PDE2A: variants seen among roughly 807,000 people sequenced by gnomAD.
PDE2A encodes phosphodiesterase 2A, also known as cGMP-dependent 3',5'-cyclic phosphodiesterase.
Under a neutral mutation model 133.6 loss-of-function variants are expected in PDE2A, and 53 were observed. The ratio of observed to expected loss-of-function variants is 0.40; its 90% CI spans 0.32 to 0.50. PDE2A has a LOEUF of 0.50. PDE2A is among the 20% of genes least tolerant of loss of function. PDE2A has a pLI of 0.73. For missense variants in PDE2A, 796 were observed against 1,232.4 expected (o/e 0.65, Z 5.30); for synonymous variants, 491 against 490.2 (o/e 1.00, Z -0.02).
Position 72,577,224 on chromosome 11 carries a change from G to A in PDE2A, c.*160C>T, listed in dbSNP as rs1025303158. 1.7e-6 allele frequency: 1 copy of A among 605,162 alleles called. No individual in the cohort carries two copies. Among genetic ancestry groups the A allele is most frequent in the Non-Finnish European group, 2.9e-6 (1 of 342,164 alleles). 37.5% of individuals were successfully genotyped at this position (605,162 alleles called of 1,614,324 possible). On this transcript the variant is annotated 3_prime_UTR_variant, in exon 31 of 31. Coordinates refer to ENST00000334456, the MANE Select transcript of PDE2A (RefSeq NM_002599.5). Reference sequence around the variant, plus strand: ...TTGGAAGTCTTGCTTCCATTATACAGACGAGAAAGCTGAGGCCCAGGAAGG... The same window carrying A: ...TTGGAAGTCTTGCTTCCATTATACAAACGAGAAAGCTGAGGCCCAGGAAGG...
At position 72,580,586 on chromosome 11, in the gene PDE2A, G is replaced by C. The variant is rs747032244; in HGVS notation, c.2172C>G (p.Ser724=). The change falls in exon 25 of 31, where the codon TCC becomes TCG. Residue 724 remains serine, a synonymous_variant. Transcript: ENST00000334456. ...GACAGAAGAGTGATACCTCCATGAC[G>C]GAGCCCTCAGAGCTGTAGAGCGCAG... ...VLAALYSSEG[S]VMERHHFAQA... is the part of the protein sequence containing the mutation. The C allele has an allele frequency of 6.4e-7, 1 of 1,568,314 alleles. No homozygotes were observed. The highest frequency in any genetic ancestry group is 8.7e-7 in the Non-Finnish European group (1 of 1,155,520).
chr11:72,576,629 C>T lies in PDE2A; in HGVS notation c.*755G>A, dbSNP rs1290412475. 5.9e-6 allele frequency: 1 copy of T among 169,490 alleles called. No individual in the cohort carries two copies. Among genetic ancestry groups the T allele is most frequent in the Non-Finnish European group, 1.5e-5 (1 of 68,354 alleles). 10.5% of individuals were successfully genotyped at this position (169,490 alleles called of 1,614,324 possible). On this transcript the variant is annotated 3_prime_UTR_variant, in exon 31 of 31. Coordinates refer to ENST00000334456, the MANE Select transcript of PDE2A (RefSeq NM_002599.5). ...ATCTTAGAGCATGGATTGTCTTACC[C>T]GCTCCCTGTTTGGCCCAGACAGGGG... is the stretch of plus-strand genomic sequence containing the variant.
At chr11:72,646,385 GGCATTAGCC>G (rs1228535033) in intron 1 of PDE2A, among the ~76,000 whole-genome samples, 2 of 152,200 alleles carry the variant, frequency 1.3e-5, no homozygotes, top group Non-Finnish European at 2.9e-5. Flanking sequence ...CAGGAGGCAC[GGCATTAGCC>G]CCATTTTACA....
intron 2 of PDE2A, among the ~76,000 whole-genome samples, chr11:72,628,915 A>G (rs954555817): frequency 3.3e-5 from 5 of 152,182 alleles, no homozygotes. Flanking sequence ...CCATGTTGGC[A>G]GCGTCCCCTC....
intron 2 of PDE2A, chr11:72,631,097 C>T: frequency 6.5e-7 from 1 of 1,539,756 alleles, no homozygotes; most frequent in Non-Finnish European, 8.8e-7. Context: ...GTCGTCTCTA[C>T]TCCCTGGGGG....
Position 72,578,910 on chromosome 11 carries a change from G to A in PDE2A, c.2456C>T (p.Thr819Met), listed in dbSNP as rs1193120816. The change falls in exon 28 of 31, where the codon ACG (threonine) becomes ATG (methionine). Residue 819 changes from threonine (T) to methionine (M), a missense_variant. Physicochemically the swap from Thr to Met is moderately conservative, Grantham distance 81. Transcript: ENST00000334456. This position sits in a 1 kb window ranked among gnomAD's most constrained non-coding sequence, Gnocchi z 4.2. ...LSDQTKGWKT[T>M]RKIAELIYKE... ...GACTACACCTACCGCGATCTTTCTC[G>A]TAGTCTTCCAGCCCTTGGTCTGGTC... 2 of 1,610,048 alleles carry A rather than the reference G, an allele frequency of 1.2e-6. No homozygotes were observed. Among genetic ancestry groups the A allele is most frequent in the Non-Finnish European group, 1.7e-6 (2 of 1,176,320 alleles).
intron 1 of PDE2A, among the ~76,000 whole-genome samples, chr11:72,670,048 C>A (rs563419293): frequency 2.6e-5 from 4 of 152,322 alleles, no homozygotes; most frequent in South Asian, 2.1e-4. Flanking sequence ...GGCTTCCCCC[C>A]AGCCTGGCAC....
chr11:72,598,568 A>G, intron 4 of PDE2A: 1 of 1,289,082 alleles, frequency 7.8e-7, no homozygotes, highest in Admixed American at 2.3e-5. Context: ...TTCATCCCTC[A>G]TGCTGCCTCC....
intron 14 of PDE2A, 61 bp downstream of exon 14, chr11:72,586,009 C>A: frequency 1.0e-6 from 1 of 976,454 alleles, no homozygotes; most frequent in Non-Finnish European, 1.6e-6. Flanking sequence ...TTCTGAATGG[C>A]TCTCGGGGCT....
rs142828417 is a variant in PDE2A at position 72,633,511 on chromosome 11, G to A, written c.144+8743C>T. Reference sequence around the variant, plus strand: ...GGGTCCTAAGGGGCTTCCTGGAGGAGGTGTGTGAGGCCTGACAGGAAGAGG... The same window carrying A: ...GGGTCCTAAGGGGCTTCCTGGAGGAAGTGTGTGAGGCCTGACAGGAAGAGG... On this transcript the variant is annotated intron_variant, in intron 2 of 30. Transcript: ENST00000334456. Among the ~76,000 whole-genome samples, 196 of 152,312 alleles carry A rather than the reference G, an allele frequency of 1.3e-3. 1 individual carries two copies. Among genetic ancestry groups the A allele is most frequent in the African/African-American group, 4.5e-3 (189 of 41,550 alleles).
chr11:72,589,919 C>T lies in PDE2A; in HGVS notation c.819G>A (p.Gln273=), dbSNP rs773529994. 3 of 1,613,038 alleles carry T rather than the reference C, an allele frequency of 1.9e-6. No individual in the cohort carries two copies. The Admixed American group carries it at 5.0e-5, about 27-fold the overall frequency. Reference sequence around the variant, plus strand: ...CCTGGGCCCTCACCTTGCAAGAAAGCTGGAGATTGTCCTCCGACACCAGCA... The same window carrying T: ...CCTGGGCCCTCACCTTGCAAGAAAGTTGGAGATTGTCCTCCGACACCAGCA... ...CLLLVSEDNL[Q]LSCKVIGDKV... is the part of the protein sequence containing the mutation. The change falls in exon 10 of 31, where the codon CAG becomes CAA. Residue 273 remains glutamine, a synonymous_variant. Transcript: ENST00000334456.
At chr11:72,638,345 C>T (rs571705121) in intron 2 of PDE2A, among the ~76,000 whole-genome samples, 6 of 152,336 alleles carry the variant, frequency 3.9e-5, no homozygotes, top group South Asian at 2.1e-4. Flanking sequence ...ATGGCAGTTC[C>T]AGTCACTTGA....
intron 1 of PDE2A, chr11:72,652,790 C>T (rs1854778222): frequency 2.2e-6 from 1 of 448,636 alleles, no homozygotes; most frequent in African/African-American, 2.0e-5. Context: ...GCTTGTGCCT[C>T]TTGCAGCAGG....
At chr11:72,589,067 G>A in intron 12 of PDE2A, 108 bp downstream of exon 12, 2 of 1,226,906 alleles carry the variant, frequency 1.6e-6, no homozygotes, top group East Asian at 2.4e-5. Flanking sequence ...AAAGTCCCCA[G>A]GTCTTATCTG....
chr11:72,654,983 G>T (rs1854852033), intron 1 of PDE2A, among the ~76,000 whole-genome samples: 2 of 152,126 alleles, frequency 1.3e-5, no homozygotes, highest in East Asian at 1.9e-4. Flanking sequence ...GCACACAGGT[G>T]CCTGGGAACT....
intron 3 of PDE2A, among the ~76,000 whole-genome samples, chr11:72,607,255 C>T (rs541311656): frequency 4.5e-4 from 68 of 152,308 alleles, no homozygotes; most frequent in African/African-American, 1.4e-3. Context: ...TAATCTGTTG[C>T]AGAGCATCTA....
At position 72,605,212 on chromosome 11, in the gene PDE2A, G is replaced by T. The variant is rs754834402; in HGVS notation, c.249C>A (p.Thr83=). 7 of 1,607,402 alleles carry T rather than the reference G, an allele frequency of 4.4e-6. No homozygotes were observed. The African/African-American group carries it at 9.4e-5, about 21-fold the overall frequency. The change falls in exon 4 of 31, where the codon ACC becomes ACA. Residue 83 remains threonine (T), a synonymous_variant. Coordinates refer to ENST00000334456, the MANE Select transcript of PDE2A (RefSeq NM_002599.5). ...AVLPRVETVY[T]YLLDGESQLV... is the part of the protein sequence containing the mutation. ...GCTGGGACTCACCATCCAGTAGGTAGGTGTAGACAGTTTCCTAGGACAGAA... is the reference window on the plus strand; with the variant it reads ...GCTGGGACTCACCATCCAGTAGGTATGTGTAGACAGTTTCCTAGGACAGAA...
chr11:72,615,021 C>T (rs955521371), intron 2 of PDE2A: 1 of 451,242 alleles, frequency 2.2e-6, no homozygotes, highest in Non-Finnish European at 4.9e-6. Context: ...GCCCCCATCC[C>T]TCCACCCTCC....
At chr11:72,669,833 C>T (rs113523649) in intron 1 of PDE2A, among the ~76,000 whole-genome samples, 4 of 152,328 alleles carry the variant, frequency 2.6e-5, no homozygotes, top group African/African-American at 9.6e-5. Flanking sequence ...TTTCCAGGGT[C>T]TCTTTTGTTC....
Sources: gnomAD v4.1 joint callset for allele counts (sites outside exome capture counted in the v4.1 genomes callset) on GRCh38, gnomAD v4.1.1 for gene constraint, Gnocchi (gnomAD v3.1) non-coding constraint, MANE v1.5 for transcripts, NCBI Gene and HGNC (gene_info 2026-07-23, HGNC 2026-07-21) for gene names.